PRKCB: variants seen among roughly 807,000 people sequenced by gnomAD.
PRKCB encodes the protein protein kinase C beta type.
PRKCB carries 13 observed loss-of-function variants against 81.5 expected under a neutral mutation model. The ratio of observed to expected loss-of-function variants is 0.16; its 90% CI spans 0.10 to 0.25. The LOEUF is 0.25. Ranked by LOEUF, PRKCB falls within the 10% of genes least tolerant of loss-of-function variation. The pLI, the probability that PRKCB is intolerant of heterozygous loss-of-function variation, is 1.00. For missense variants in PRKCB, 509 were observed against 875.7 expected (o/e 0.58, Z 5.29); for synonymous variants, 335 against 321.4 (o/e 1.04, Z -0.45).
intron 10 of PRKCB, among the ~76,000 whole-genome samples, chr16:24,161,030 A>C (rs1225467661): frequency 1.6e-4 from 24 of 152,158 alleles, no homozygotes; most frequent in Admixed American, 1.6e-3. Flanking sequence ...AAAAGAGACA[A>C]ATCCAATATA....
At chr16:24,127,021 T>C (rs1270169202) in intron 9 of PRKCB, among the ~76,000 whole-genome samples, 1 of 133,006 alleles carries the variant, frequency 7.5e-6, no homozygotes, top group East Asian at 2.3e-4. Context: ...TTTTTTTTTT[T>C]TGAGACGGTG....
chr16:24,037,941 G>A (rs4787293), intron 5 of PRKCB, among the ~76,000 whole-genome samples: 88,421 of 151,642 alleles, frequency 0.58, 26,020 homozygotes, highest in South Asian at 0.68. Flanking sequence ...TAATCCCAGC[G>A]CTTTGGAAGA....
chr16:23,853,693 A>T (rs1226129115), intron 2 of PRKCB, among the ~76,000 whole-genome samples: 1 of 152,124 alleles, frequency 6.6e-6, no homozygotes, highest in East Asian at 1.9e-4. Flanking sequence ...ATAGCAGGGA[A>T]AGAGTGAGTT....
intron 2 of PRKCB, among the ~76,000 whole-genome samples, chr16:23,877,019 A>T (rs181672012): frequency 6.6e-6 from 1 of 152,314 alleles, no homozygotes; most frequent in East Asian, 1.9e-4. Context: ...GATGTGAAGG[A>T]AAAGATGAAG....
At chr16:24,205,741 G>A (rs992661699) in intron 16 of PRKCB, among the ~76,000 whole-genome samples, 6 of 152,136 alleles carry the variant, frequency 3.9e-5, no homozygotes, top group Admixed American at 3.3e-4. Context: ...ACGCAGTGGT[G>A]AATAAAACAG....
intron 2 of PRKCB, among the ~76,000 whole-genome samples, chr16:23,929,022 C>G (rs1963935798): frequency 6.6e-6 from 1 of 151,902 alleles, no homozygotes; most frequent in Non-Finnish European, 1.5e-5. Context: ...AGGCCTGTAT[C>G]CAGTGTTTAA....
chr16:24,066,650 G>A (rs1442993533), intron 5 of PRKCB, among the ~76,000 whole-genome samples: 1 of 151,484 alleles, frequency 6.6e-6, no homozygotes, highest in South Asian at 2.1e-4. Flanking sequence ...GATATTCTTA[G>A]TGTATTCCAG....
chr16:24,168,784 C>T (rs1284791838), intron 10 of PRKCB, among the ~76,000 whole-genome samples: 3 of 147,134 alleles, frequency 2.0e-5, no homozygotes, highest in Non-Finnish European at 4.5e-5. Flanking sequence ...TTCTCAAACT[C>T]CTAGCCTCAA....
chr16:23,876,047 C>G (rs1191491794), intron 2 of PRKCB, among the ~76,000 whole-genome samples: 1 of 152,154 alleles, frequency 6.6e-6, no homozygotes, highest in Admixed American at 6.5e-5. Flanking sequence ...ATGTTTGCCA[C>G]TCTTTTAGAG....
chr16:24,122,925 T>C (rs1203929049), intron 8 of PRKCB, among the ~76,000 whole-genome samples: 2 of 152,126 alleles, frequency 1.3e-5, no homozygotes, highest in African/African-American at 4.8e-5. Flanking sequence ...AAGGAGTCCC[T>C]CTCCCATTGC....
chr16:23,935,812 G>T lies in PRKCB; in HGVS notation c.206-52696G>T, dbSNP rs566771776. The stretch of plus-strand genomic sequence containing the variant: ...AATACTGCATATTCTCACTGATAAG[G>T]GAGAGCTAAGCATTGAGCACACATA... On this transcript the variant is annotated intron_variant, in intron 2 of 16. Transcript: ENST00000643927. Among the ~76,000 whole-genome samples, 4 of 152,196 alleles carry T rather than the reference G, an allele frequency of 2.6e-5. No homozygotes were observed. The South Asian group carries it at 8.3e-4, about 32-fold the overall frequency.
chr16:24,057,597 A>G (rs1359364186), intron 5 of PRKCB, among the ~76,000 whole-genome samples: 1 of 152,164 alleles, frequency 6.6e-6, no homozygotes, highest in African/African-American at 2.4e-5. Context: ...AAGAAGAGAG[A>G]GCTCACTATA....
chr16:24,005,479 C>T (rs1965104198), intron 3 of PRKCB, among the ~76,000 whole-genome samples: 1 of 152,156 alleles, frequency 6.6e-6, no homozygotes, highest in African/African-American at 2.4e-5. Context: ...CTCAGGTTTC[C>T]CACTTAGTTC....
At chr16:24,021,343 C>T (rs1187298394) in intron 3 of PRKCB, among the ~76,000 whole-genome samples, 2 of 74,594 alleles carry the variant, frequency 2.7e-5, no homozygotes, top group African/African-American at 1.4e-4. Context: ...TCCTTCCTTC[C>T]TTCCTTCCTT....
intron 7 of PRKCB, among the ~76,000 whole-genome samples, chr16:24,107,386 C>G (rs1966592242): frequency 6.6e-6 from 1 of 152,208 alleles, no homozygotes; most frequent in East Asian, 1.9e-4. Flanking sequence ...ACAGACATTT[C>G]TGTGTCCTTG....
At chr16:24,176,971 G>A (rs1967544682) in intron 12 of PRKCB, among the ~76,000 whole-genome samples, 1 of 151,950 alleles carries the variant, frequency 6.6e-6, no homozygotes, top group Non-Finnish European at 1.5e-5. Flanking sequence ...TTCAGCTGGT[G>A]CTTAACCAAA....
At chr16:23,954,225 AG>A (rs1194561637) in intron 2 of PRKCB, among the ~76,000 whole-genome samples, 1 of 152,010 alleles carries the variant, frequency 6.6e-6, no homozygotes, top group East Asian at 1.9e-4. Context: ...CTGGGATTAC[AG>A]GCATGAGACA....
intron 3 of PRKCB, among the ~76,000 whole-genome samples, chr16:24,000,309 A>G (rs16973052): frequency 0.058 from 8,760 of 152,186 alleles, 823 homozygotes; most frequent in African/African-American, 0.2. Flanking sequence ...AAAAGAATGC[A>G]CCTAATTTAT....
At chr16:23,941,326 C>A (rs182659127) in intron 2 of PRKCB, among the ~76,000 whole-genome samples, 4 of 152,274 alleles carry the variant, frequency 2.6e-5, no homozygotes, top group African/African-American at 9.6e-5. Flanking sequence ...TCACCAAAAC[C>A]TATATAACAA....
Sources: gnomAD v4.1 joint callset for allele counts (sites outside exome capture counted in the v4.1 genomes callset) on GRCh38, gnomAD v4.1.1 for gene constraint, MANE v1.5 for transcripts, NCBI Gene and HGNC (gene_info 2026-07-23, HGNC 2026-07-21) for gene names.